CAB39: variants seen among roughly 807,000 people sequenced by gnomAD.
The protein encoded by CAB39 is calcium-binding protein 39.
A neutral mutation model predicts 40.0 loss-of-function variants in CAB39; 8 were observed. That is an observed-to-expected ratio of 0.20 (90% CI 0.12 to 0.36). The LOEUF (loss-of-function observed/expected upper bound fraction) is 0.36. Ranked by LOEUF, CAB39 falls within the 10% of genes least tolerant of loss-of-function variation. CAB39 has a pLI of 1.00. For missense variants in CAB39, 270 were observed against 401.1 expected (o/e 0.67, Z 2.79); for synonymous variants, 156 against 141.6 (o/e 1.10, Z -0.72).
intron 1 of CAB39, among the ~76,000 whole-genome samples, chr2:230,735,141 A>G (rs1694764120): frequency 6.6e-6 from 1 of 152,076 alleles, no homozygotes; most frequent in Admixed American, 6.6e-5. Context: ...ATCGCAGTTT[A>G]CAAGTAGAGC....
intron 1 of CAB39, among the ~76,000 whole-genome samples, chr2:230,754,264 G>A (rs943504152): frequency 3.9e-5 from 6 of 152,102 alleles, no homozygotes; most frequent in African/African-American, 1.4e-4. Flanking sequence ...AGTATAGACT[G>A]TACCATATTT....
chr2:230,787,619 A>G (rs1695816012), intron 2 of CAB39, among the ~76,000 whole-genome samples: 2 of 152,230 alleles, frequency 1.3e-5, no homozygotes, highest in Non-Finnish European at 2.9e-5. Flanking sequence ...TGACTCAATT[A>G]TACAATATAA....
intron 1 of CAB39, among the ~76,000 whole-genome samples, chr2:230,746,077 T>G (rs1287488567): frequency 6.6e-6 from 1 of 152,234 alleles, no homozygotes; most frequent in Non-Finnish European, 1.5e-5. Context: ...TTGTGATTAC[T>G]GTGTTTAAAA....
chr2:230,763,182 T>C (rs1695325550), intron 2 of CAB39, among the ~76,000 whole-genome samples: 1 of 152,248 alleles, frequency 6.6e-6, no homozygotes, highest in African/African-American at 2.4e-5. Flanking sequence ...AAGTGTAGCA[T>C]TGTTTTAAGT....
In CAB39 at chr2:230,777,145, TGTATATGA is replaced by T. The variant is rs1392219353; in HGVS notation, c.115-13726_115-13719del. On this transcript the variant is annotated intron_variant, in intron 2 of 8. Transcript: ENST00000258418. ...TCTATACAAAGTCATGTTCTAATGA[TGTATATGA>T]TGTATGTTCATTCCCCCAAAAAGCA... Among the ~76,000 whole-genome samples, 679 of 71,578 alleles carry T rather than the reference TGTATATGA, an allele frequency of 9.5e-3. 6 individuals are homozygous for T. The African/African-American group carries it at 0.13, about 14-fold the overall frequency. 47.0% of individuals were successfully genotyped at this position (71,578 alleles called of 152,430 possible).
intron 5 of CAB39, among the ~76,000 whole-genome samples, chr2:230,801,364 G>C (rs1423496508): frequency 6.6e-6 from 1 of 152,158 alleles, no homozygotes; most frequent in Admixed American, 6.5e-5. Context: ...TGACAAGGAG[G>C]GACACGTTGC....
At chr2:230,790,393 C>A (rs1165318708) in intron 2 of CAB39, among the ~76,000 whole-genome samples, 1 of 152,162 alleles carries the variant, frequency 6.6e-6, no homozygotes, top group East Asian at 1.9e-4. Flanking sequence ...TTGCACTCAC[C>A]CATTTTCTGC....
chr2:230,756,655 CTGTT>C (rs527858587), intron 1 of CAB39, among the ~76,000 whole-genome samples: 13,065 of 138,240 alleles, frequency 0.095, 634 homozygotes, highest in Middle Eastern at 0.12. Context: ...TAGTTTCTAA[CTGTT>C]TGTTTATTTA....
At chr2:230,714,193 G>A (rs1350681130) in intron 1 of CAB39, 2 of 152,230 alleles carry the variant, frequency 1.3e-5, no homozygotes, top group East Asian at 1.9e-4. Context: ...GAATGCTGTA[G>A]AGGAGCTATT....
At position 230,785,981 on chromosome 2, in the gene CAB39, G is replaced by T. The variant is rs1479864091; in HGVS notation, c.115-4891G>T. Among the ~76,000 whole-genome samples the T allele has an allele frequency of 2.0e-5, 3 of 151,266 alleles. No individual in the cohort carries two copies. The East Asian group carries it at 5.9e-4, about 30-fold the overall frequency. ...AGAGCGAGACCATCCTGGCTAACACGGTGAAACCCCGTCTCTACTAAAAGT... is the reference window on the plus strand; with the variant it reads ...AGAGCGAGACCATCCTGGCTAACACTGTGAAACCCCGTCTCTACTAAAAGT... On this transcript the variant is annotated intron_variant, in intron 2 of 8. Transcript: ENST00000258418.
intron 2 of CAB39, among the ~76,000 whole-genome samples, chr2:230,781,715 A>G (rs1411667364): frequency 6.6e-6 from 1 of 152,160 alleles, no homozygotes; most frequent in East Asian, 1.9e-4. Flanking sequence ...GTGGTAGGAG[A>G]TGAGAAGGAT....
chr2:230,784,391 A>G (rs1357243969), intron 2 of CAB39, among the ~76,000 whole-genome samples: 1 of 152,202 alleles, frequency 6.6e-6, no homozygotes, highest in Non-Finnish European at 1.5e-5. Flanking sequence ...GGAGAAAAGA[A>G]CTGGATTAGA....
intron 4 of CAB39, among the ~76,000 whole-genome samples, chr2:230,794,321 A>T (rs1695942955): frequency 6.6e-6 from 1 of 152,076 alleles, no homozygotes; most frequent in South Asian, 2.1e-4. Context: ...AGATTTTGGG[A>T]TACAGAACTT....
chr2:230,784,515 G>A (rs796856913), intron 2 of CAB39, among the ~76,000 whole-genome samples: 15 of 152,232 alleles, frequency 9.9e-5, no homozygotes, highest in East Asian at 1.9e-4. Flanking sequence ...CCTGCCTTGC[G>A]GGATTCCCTG....
intron 5 of CAB39, among the ~76,000 whole-genome samples, chr2:230,809,239 G>C (rs1225151638): frequency 6.6e-6 from 1 of 152,212 alleles, no homozygotes; most frequent in Non-Finnish European, 1.5e-5. Context: ...TCGTTTGCTT[G>C]ACCATGGGAC....
chr2:230,766,728 A>C (rs1163170561), intron 2 of CAB39, among the ~76,000 whole-genome samples: 1 of 152,160 alleles, frequency 6.6e-6, no homozygotes, highest in Admixed American at 6.5e-5. Context: ...CGAGTCTCAC[A>C]ATGTTGCCCA....
At chr2:230,744,525 C>G (rs1694939841) in intron 1 of CAB39, among the ~76,000 whole-genome samples, 1 of 152,070 alleles carries the variant, frequency 6.6e-6, no homozygotes, top group South Asian at 2.1e-4. Flanking sequence ...ATCTCTTGAC[C>G]TCGTGATCCG....
chr2:230,804,920 T>C (rs1169376728), intron 5 of CAB39, among the ~76,000 whole-genome samples: 2 of 152,190 alleles, frequency 1.3e-5, no homozygotes, highest in Admixed American at 6.5e-5. Flanking sequence ...GGATTACAAA[T>C]CATACTACTA....
chr2:230,733,609 A>G (rs1694734115), intron 1 of CAB39, among the ~76,000 whole-genome samples: 1 of 152,254 alleles, frequency 6.6e-6, no homozygotes, highest in Non-Finnish European at 1.5e-5. Flanking sequence ...GTAGCTTCTC[A>G]GGAACTATTG....
Sources: gnomAD v4.1 joint callset for allele counts (sites outside exome capture counted in the v4.1 genomes callset) on GRCh38, gnomAD v4.1.1 for gene constraint, MANE v1.5 for transcripts, NCBI Gene and HGNC (gene_info 2026-07-23, HGNC 2026-07-21) for gene names.